The following DEUP1 variants were observed in gnomAD, a reference collection of about 807,000 sequenced individuals.
DEUP1 encodes coiled-coil domain containing 67.
In DEUP1, 82 loss-of-function variants were observed where a neutral mutation model predicts 87.4. That is an observed-to-expected ratio of 0.94 (90% CI 0.78 to 1.13). DEUP1 has a LOEUF of 1.13. DEUP1 is among the 50% of genes most tolerant of loss of function. The probability of loss-of-function intolerance (pLI) is 0.00; values close to 1 mark genes in which losing one functional copy is unlikely to be tolerated. For synonymous variants in DEUP1, 214 were observed against 222.7 expected, an observed-to-expected ratio of 0.96 and a Z score of 0.35; for missense variants, 663 against 681.5, an observed-to-expected ratio of 0.97 and a Z score of 0.30.
intron 4 of DEUP1, among the ~76,000 whole-genome samples, chr11:93,359,290 TG>T (rs1196129507): frequency 6.6e-6 from 1 of 152,194 alleles, no homozygotes; most frequent in Non-Finnish European, 1.5e-5. Flanking sequence ...CACCCTGCCT[TG>T]AATAACTCAA....
At chr11:93,394,189 A>T (rs767376686) in intron 9 of DEUP1, among the ~76,000 whole-genome samples, 1 of 152,216 alleles carries the variant, frequency 6.6e-6, no homozygotes, top group Non-Finnish European at 1.5e-5. Flanking sequence ...CTTCCTCTCA[A>T]AGTGGTTATC....
At chr11:93,337,709 T>C (rs1300010319) in intron 2 of DEUP1, among the ~76,000 whole-genome samples, 2 of 152,160 alleles carry the variant, frequency 1.3e-5, no homozygotes, top group East Asian at 3.9e-4. Context: ...ATTAAATGCA[T>C]GTTTTTGAAA....
rs1396308861 is a variant in DEUP1, at chr11:93,429,066, G to A, written c.1639-8477G>A. ...CAATTTCCTCACTTAATTTTCTGTTGGATTGTCTTTATTATTATTGATTTA... is the reference window on the plus strand; with the variant it reads ...CAATTTCCTCACTTAATTTTCTGTTAGATTGTCTTTATTATTATTGATTTA... On this transcript the variant is annotated intron_variant, in intron 13 of 13. Transcript: ENST00000298050. 2.0e-5 allele frequency among the ~76,000 whole-genome samples: 3 copies of A among 151,842 alleles called. No individual in the cohort carries two copies. In the East Asian group the frequency reaches 5.8e-4, roughly 29 times the overall value.
At chr11:93,369,988 G>T in intron 5 of DEUP1, 85 bp from the exon 6 acceptor site, 3 of 624,538 alleles carry the variant, frequency 4.8e-6, no homozygotes, top group South Asian at 2.0e-5. Context: ...TCAGAATGAA[G>T]ATGTACAAAT....
At chr11:93,342,491 T>C (rs953132762) in intron 2 of DEUP1, among the ~76,000 whole-genome samples, 2 of 152,206 alleles carry the variant, frequency 1.3e-5, no homozygotes, top group Non-Finnish European at 2.9e-5. Flanking sequence ...AAACCAGGCA[T>C]GTGTCCTTAA....
At chr11:93,400,969 C>G (rs1591228456) in intron 11 of DEUP1, among the ~76,000 whole-genome samples, 1 of 151,958 alleles carries the variant, frequency 6.6e-6, no homozygotes, top group South Asian at 2.1e-4. Context: ...GAGAAAGACA[C>G]AAAAGGGCAT....
intron 9 of DEUP1, among the ~76,000 whole-genome samples, chr11:93,391,039 G>T (rs974134599): frequency 1.4e-5 from 2 of 147,806 alleles, no homozygotes; most frequent in Admixed American, 6.7e-5. Flanking sequence ...CCGAGATTGC[G>T]CCATGGCACT....
At chr11:93,392,786 G>A (rs970796184) in intron 9 of DEUP1, among the ~76,000 whole-genome samples, 2 of 151,008 alleles carry the variant, frequency 1.3e-5, no homozygotes, top group Non-Finnish European at 2.9e-5. Flanking sequence ...TGTTTCTTTT[G>A]TGGCTAGCCT....
At chr11:93,331,166 T>C (rs61922363) in intron 1 of DEUP1, among the ~76,000 whole-genome samples, 52,132 of 152,072 alleles carry the variant, frequency 0.34, 9,270 homozygotes, top group Non-Finnish European at 0.4. Flanking sequence ...CCGCTCTGTC[T>C]CTCTTAATTC....
At position 93,437,739 on chromosome 11, in the gene DEUP1, T is replaced by TGGGGGGGGGGGGGGGGGGGGGGGGGGGG; in HGVS notation, c.*21_*22insGGGGGGGGGGGGGGGGGGGGGGGGGGGG. The TGGGGGGGGGGGGGGGGGGGGGGGGGGGG allele has an allele frequency of 7.7e-7, 1 of 1,305,240 alleles. No homozygotes were observed. The allele number at this position is 1,305,240 out of a possible 1,614,324, so 80.9% of individuals were successfully genotyped here. A position where few individuals can be genotyped will look rare whatever the true frequency, so the allele number is the denominator to read the frequency against. On this transcript the variant is annotated 3_prime_UTR_variant, in exon 14 of 14. Coordinates refer to ENST00000298050, the MANE Select transcript of DEUP1 (RefSeq NM_181645.4). ...ATATGAGCTTTTAAACTTTTTTATT[T>TGGGGGGGGGGGGGGGGGGGGGGGGGGGG]GCTTCCCCCCCCCACCCCCGCCAAG...
intron 13 of DEUP1, among the ~76,000 whole-genome samples, chr11:93,429,091 A>G (rs1373052930): frequency 1.3e-5 from 2 of 152,054 alleles, no homozygotes; most frequent in African/African-American, 4.8e-5. Context: ...TTATTGATTT[A>G]TGGGTATCCT....
chr11:93,387,409 C>T (rs1236831792), intron 8 of DEUP1, among the ~76,000 whole-genome samples: 2 of 151,936 alleles, frequency 1.3e-5, no homozygotes, highest in African/African-American at 4.8e-5. Flanking sequence ...TTTTCAGAAA[C>T]TTTCTCAATA....
chr11:93,388,963 G>T (rs189566284), intron 8 of DEUP1, 57 bp from the exon 9 acceptor site: 6 of 960,722 alleles, frequency 6.2e-6, no homozygotes, highest in South Asian at 6.2e-5. Context: ...CAATATAATC[G>T]TTACAATTTA....
Position 93,355,347 on chromosome 11 carries a change from A to G in DEUP1, c.30-24A>G, listed in dbSNP as rs530193317. On this transcript the variant is annotated intron_variant, in intron 2 of 13. Transcript: ENST00000298050. ...CTCACATTTCACTACTTTAAAATGT[A>G]TTTTACTTTCCTACAATTGCCAGAA... is the stretch of plus-strand genomic sequence containing the variant. 2.5e-6 allele frequency: 4 copies of G among 1,609,774 alleles called. No homozygotes were observed. The East Asian group carries it at 8.9e-5, about 36-fold the overall frequency.
intron 9 of DEUP1, among the ~76,000 whole-genome samples, chr11:93,392,603 C>T (rs1042728827): frequency 6.6e-6 from 1 of 151,882 alleles, no homozygotes; most frequent in Non-Finnish European, 1.5e-5. Flanking sequence ...TGAATACTGC[C>T]TAGATACTTG....
At chr11:93,404,088 G>A (rs1014408790) in intron 11 of DEUP1, among the ~76,000 whole-genome samples, 13 of 151,930 alleles carry the variant, frequency 8.6e-5, no homozygotes, top group Admixed American at 2.0e-4. Context: ...TCCACTTAGA[G>A]AATGAAAGTT....
At chr11:93,357,084 AT>A in intron 4 of DEUP1, 41 bp downstream of exon 4, 1 of 1,253,798 alleles carries the variant, frequency 8.0e-7, no homozygotes. Flanking sequence ...ACATTTTGAT[AT>A]ATTTTTTTTT....
intron 13 of DEUP1, among the ~76,000 whole-genome samples, chr11:93,433,673 G>A (rs1163511545): frequency 6.6e-6 from 1 of 152,152 alleles, no homozygotes; most frequent in East Asian, 1.9e-4. Context: ...CTGAGATCAG[G>A]TTTCCTAGAA....
intron 7 of DEUP1, among the ~76,000 whole-genome samples, chr11:93,374,373 T>G (rs535332515): frequency 6.6e-6 from 1 of 152,314 alleles, no homozygotes; most frequent in African/African-American, 2.4e-5. Flanking sequence ...TCTAGAAGGG[T>G]TTTTCCAACG....
Sources: gnomAD v4.1 joint callset for allele counts (sites outside exome capture counted in the v4.1 genomes callset) on GRCh38, gnomAD v4.1.1 for gene constraint, MANE v1.5 for transcripts, NCBI Gene and HGNC (gene_info 2026-07-23, HGNC 2026-07-21) for gene names.